The following CDH13 variants were observed in gnomAD, a reference collection of about 807,000 sequenced individuals.
CDH13 encodes cadherin 13, also known as cadherin-13.
Under a neutral mutation model 63.8 loss-of-function variants are expected in CDH13, and 24 were observed. The ratio of observed to expected loss-of-function variants is 0.38; its 90% confidence interval spans 0.27 to 0.53. CDH13 has a LOEUF of 0.53. Ranked by LOEUF, CDH13 falls within the 20% of genes least tolerant of loss-of-function variation. The pLI is 0.85. For missense variants in CDH13, 1,049 were observed against 903.1 expected (o/e 1.16, Z -2.07); for synonymous variants, 503 against 355.3 (o/e 1.42, Z -4.67).
chr16:82,644,816 C>T lies in CDH13; in HGVS notation c.45+17679C>T, dbSNP rs1020519257. Among the ~76,000 whole-genome samples, 3 of 152,138 alleles carry T rather than the reference C, an allele frequency of 2.0e-5. No individual in the cohort carries two copies. The highest frequency in any genetic ancestry group is 4.4e-5 in the Non-Finnish European group (3 of 68,032). ...AGCCACGTAAGTGTCTGATTCAGTCCTCCCTGGTCAGTTTTCCAGCATAGC... is the reference window on the plus strand; with the variant it reads ...AGCCACGTAAGTGTCTGATTCAGTCTTCCCTGGTCAGTTTTCCAGCATAGC... On this transcript the variant is annotated intron_variant, in intron 1 of 13. Transcript: ENST00000567109. The surrounding 1 kb of genome is among the most constrained non-coding windows in gnomAD (Gnocchi z 5.7).
chr16:83,788,543 C>G (rs745918396), intron 13 of CDH13, among the ~76,000 whole-genome samples: 1 of 151,628 alleles, frequency 6.6e-6, no homozygotes, highest in African/African-American at 2.4e-5. Flanking sequence ...GTGGTCCTCA[C>G]TTTGAGACTC....
At chr16:83,235,502 C>T (rs1244317772) in intron 5 of CDH13, among the ~76,000 whole-genome samples, 4 of 152,026 alleles carry the variant, frequency 2.6e-5, no homozygotes, top group Admixed American at 2.6e-4. Flanking sequence ...ACTCCTACCC[C>T]GACCCAAAAT....
chr16:83,592,781 T>A (rs1906885661), intron 7 of CDH13, among the ~76,000 whole-genome samples: 1 of 151,746 alleles, frequency 6.6e-6, no homozygotes, highest in Non-Finnish European at 1.5e-5. Flanking sequence ...CAAAAATAAA[T>A]AAATAAAAAA....
intron 5 of CDH13, among the ~76,000 whole-genome samples, chr16:83,243,450 AC>A (rs1210822309): frequency 1.3e-5 from 2 of 151,964 alleles, no homozygotes; most frequent in Non-Finnish European, 2.9e-5. Flanking sequence ...GGAAAGACCT[AC>A]CCCCATGATT....
intron 5 of CDH13, among the ~76,000 whole-genome samples, chr16:83,295,107 G>A (rs147556812): frequency 7.0e-4 from 107 of 152,124 alleles, no homozygotes; most frequent in Admixed American, 1.4e-3. Context: ...TTCCAGCATA[G>A]TTATCAAGAA....
intron 6 of CDH13, among the ~76,000 whole-genome samples, chr16:83,390,017 C>G (rs904990119): frequency 8.5e-5 from 13 of 152,138 alleles, no homozygotes; most frequent in African/African-American, 3.1e-4. Flanking sequence ...GAGCTTCTGT[C>G]CTAGGCTTGC....
chr16:83,537,590 C>T (rs955952461), intron 7 of CDH13, among the ~76,000 whole-genome samples: 3 of 152,128 alleles, frequency 2.0e-5, no homozygotes, highest in African/African-American at 7.2e-5. Context: ...TGTAGGGCTT[C>T]TCAGAACTTT....
intron 6 of CDH13, among the ~76,000 whole-genome samples, chr16:83,410,653 A>T (rs951002298): frequency 6.6e-6 from 1 of 152,144 alleles, no homozygotes; most frequent in Non-Finnish European, 1.5e-5. Context: ...GGTCATTTTA[A>T]ATATACCCCA....
intron 3 of CDH13, among the ~76,000 whole-genome samples, chr16:83,078,334 A>G (rs1341534729): frequency 6.6e-6 from 1 of 152,056 alleles, no homozygotes; most frequent in Admixed American, 6.5e-5. Context: ...TTTTCCACAT[A>G]TTGGGGACGG....
chr16:83,522,393 G>A (rs368492679), intron 7 of CDH13, among the ~76,000 whole-genome samples: 6 of 152,180 alleles, frequency 3.9e-5, no homozygotes, highest in Non-Finnish European at 8.8e-5. Flanking sequence ...ATGAGGTAAG[G>A]CATATTGGGG....
At chr16:83,016,535 A>C (rs1053887741) in intron 2 of CDH13, among the ~76,000 whole-genome samples, 1 of 152,190 alleles carries the variant, frequency 6.6e-6, no homozygotes, top group Non-Finnish European at 1.5e-5. Flanking sequence ...AAAATTTTCA[A>C]GGTGTGGAAG....
chr16:83,211,147 CAA>C (rs34346635), intron 4 of CDH13, among the ~76,000 whole-genome samples: 18 of 77,448 alleles, frequency 2.3e-4, no homozygotes, highest in Admixed American at 4.1e-4. Flanking sequence ...GATTCCATCT[CAA>C]AAAAAAAAAA....
At chr16:83,486,452 G>T (rs138575365) in intron 6 of CDH13, 25 bp from the exon 7 acceptor site, 2 of 1,600,894 alleles carry the variant, frequency 1.2e-6, no homozygotes, top group Admixed American at 1.7e-5. Flanking sequence ...TAACCATTCC[G>T]TGCCTTTCTG....
chr16:82,993,778 A>G (rs1430809822), intron 2 of CDH13, among the ~76,000 whole-genome samples: 1 of 152,150 alleles, frequency 6.6e-6, no homozygotes, highest in African/African-American at 2.4e-5. Flanking sequence ...CAGACATAGC[A>G]TTGGCAGGAT....
At chr16:82,959,213 T>C (rs1460814992) in intron 2 of CDH13, among the ~76,000 whole-genome samples, 2 of 152,244 alleles carry the variant, frequency 1.3e-5, no homozygotes, top group Non-Finnish European at 2.9e-5. Flanking sequence ...GAATCTTTTC[T>C]ACATTTCAAA....
intron 1 of CDH13, among the ~76,000 whole-genome samples, chr16:82,810,761 G>A (rs2037402012): frequency 6.6e-6 from 1 of 152,116 alleles, no homozygotes; most frequent in African/African-American, 2.4e-5. Context: ...AGAGGGGAGA[G>A]AGAGGAAATG....
At chr16:83,135,084 G>T (rs554581875) in intron 4 of CDH13, among the ~76,000 whole-genome samples, 2 of 152,270 alleles carry the variant, frequency 1.3e-5, no homozygotes, top group South Asian at 4.2e-4. Flanking sequence ...TTTTCAAATT[G>T]GACTAGAATG....
intron 1 of CDH13, among the ~76,000 whole-genome samples, chr16:82,788,808 G>A (rs62034556): frequency 0.01 from 1,558 of 152,270 alleles, 9 homozygotes; most frequent in South Asian, 0.032. Flanking sequence ...GATGTTATTT[G>A]CATCCAATTA....
chr16:83,252,456 T>C (rs907851654), intron 5 of CDH13, among the ~76,000 whole-genome samples: 1 of 152,156 alleles, frequency 6.6e-6, no homozygotes, highest in South Asian at 2.1e-4. Context: ...AAAACCATTA[T>C]ATCTTCCTTG....
Sources: allele counts gnomAD v4.1 joint callset (sites outside exome capture counted in the v4.1 genomes callset), GRCh38; gene constraint gnomAD v4.1.1; non-coding constraint Gnocchi (gnomAD v3.1); transcripts MANE v1.5; gene names NCBI Gene and HGNC (gene_info 2026-07-23, HGNC 2026-07-21).